The following CADPS variants were observed in gnomAD, a reference collection of about 807,000 sequenced individuals.
The protein encoded by CADPS is calcium dependent secretion activator.
In CADPS, 57 loss-of-function variants were observed where a neutral mutation model predicts 167.3. The observed-to-expected ratio is 0.34, with a 90% confidence interval of 0.28 to 0.42. The LOEUF (loss-of-function observed/expected upper bound fraction) is 0.42, where lower values mean the gene tolerates loss of function less well. Ranked by LOEUF, CADPS falls within the 20% of genes least tolerant of loss-of-function variation. The pLI is 1.00. For missense variants in CADPS, 1,414 were observed against 1,738.1 expected (o/e 0.81, Z 3.32); for synonymous variants, 676 against 635.3 (o/e 1.06, Z -0.96).
At chr3:62,532,036 T>G (rs2073806886) in intron 13 of CADPS, among the ~76,000 whole-genome samples, 1 of 152,182 alleles carries the variant, frequency 6.6e-6, no homozygotes, top group Non-Finnish European at 1.5e-5. Context: ...CCAGGCTCTA[T>G]GGTTAAATTA....
At position 62,601,674 on chromosome 3, in the gene CADPS, T is replaced by G. The variant is rs1324757877; in HGVS notation, c.1326-8926A>C. Among the ~76,000 whole-genome samples, 2 of 152,206 alleles carry G rather than the reference T, an allele frequency of 1.3e-5. No individual in the cohort carries two copies. The highest frequency in any genetic ancestry group is 4.8e-5 in the African/African-American group (2 of 41,452). On this transcript the variant is annotated intron_variant, in intron 6 of 29. Transcript: ENST00000383710. The surrounding 1 kb of genome is among the most constrained non-coding windows in gnomAD (Gnocchi z 4.3). ...GTGGTGCCCAAATGCTGCTTCCTGA[T>G]CCACTTGAGCTGGCTGACTCATTTA...
At chr3:62,545,507 A>G (rs545340917) in intron 11 of CADPS, among the ~76,000 whole-genome samples, 21 of 152,166 alleles carry the variant, frequency 1.4e-4, no homozygotes, top group African/African-American at 4.8e-4. Flanking sequence ...TTAAATCAAC[A>G]ATGACACACA....
At chr3:62,497,847 A>G (rs1261580523) in intron 18 of CADPS, among the ~76,000 whole-genome samples, 1 of 152,216 alleles carries the variant, frequency 6.6e-6, no homozygotes, top group East Asian at 1.9e-4. Context: ...AGACATAGGA[A>G]ACTACACCAG....
intron 1 of CADPS, among the ~76,000 whole-genome samples, chr3:62,800,804 G>A (rs1368705375): frequency 6.6e-6 from 1 of 152,098 alleles, no homozygotes; most frequent in Non-Finnish European, 1.5e-5. Context: ...ACAACAAAAA[G>A]ATTAAAACAT....
At chr3:62,835,309 G>C (rs1308975622) in intron 1 of CADPS, among the ~76,000 whole-genome samples, 2 of 152,104 alleles carry the variant, frequency 1.3e-5, no homozygotes, top group African/African-American at 4.8e-5. Context: ...GGAACAACAG[G>C]GAGATTGGTG....
In CADPS at chr3:62,753,557, T is replaced by C; in HGVS notation, c.772A>G (p.Met258Val). The C allele has an allele frequency of 6.2e-7, 1 of 1,614,104 alleles. No individual in the cohort carries two copies. Among genetic ancestry groups the C allele is most frequent in the Non-Finnish European group, 8.5e-7 (1 of 1,180,026 alleles). ...EEDPRKQQAR[M>V]TASAASELIL... ...AGCTCGGAGGCTGCGCTGGCTGTCA[T>C]CCGGGCCTGCTGCTTCCGCGGGTCC... Residue 258 changes from methionine to valine, a missense_variant, in exon 3 of 30, where the codon ATG (methionine) becomes GTG (valine). Coordinates refer to ENST00000383710, the MANE Select transcript of CADPS (RefSeq NM_003716.4). This position sits in a 1 kb window ranked among gnomAD's most constrained non-coding sequence, Gnocchi z 4.6.
chr3:62,424,284 A>T (rs1404131180), intron 28 of CADPS, among the ~76,000 whole-genome samples: 1 of 152,152 alleles, frequency 6.6e-6, no homozygotes, highest in East Asian at 1.9e-4. Context: ...CCTGGGTTCA[A>T]GTGATTCTCC....
At chr3:62,819,407 C>CGTGTGTGTGTGTGTGTGTGCGTGT (rs2094787616) in intron 1 of CADPS, among the ~76,000 whole-genome samples, 1 of 143,986 alleles carries the variant, frequency 6.9e-6, no homozygotes. Context: ...AATCTGTGTG[C>CGTGTGTGTGTGTGTGTGTGCGTGT]GTGTGTGTGT....
intron 4 of CADPS, among the ~76,000 whole-genome samples, chr3:62,660,895 C>T (rs2073047897): frequency 6.6e-6 from 1 of 152,178 alleles, no homozygotes; most frequent in African/African-American, 2.4e-5. Context: ...GGTGCCAGCC[C>T]TGATATTTAG....
chr3:62,591,006 C>T, intron 7 of CADPS, among the ~76,000 whole-genome samples: 1 of 152,046 alleles, frequency 6.6e-6, no homozygotes. Flanking sequence ...AGGTGCCTGC[C>T]ACCACGCCCG....
chr3:62,640,009 C>T (rs1332235534), intron 6 of CADPS, among the ~76,000 whole-genome samples: 2 of 152,136 alleles, frequency 1.3e-5, no homozygotes, highest in Non-Finnish European at 2.9e-5. Context: ...TTCATTTGTT[C>T]ATTTGTTTAT....
At chr3:62,573,351 G>A (rs1286279327) in intron 8 of CADPS, among the ~76,000 whole-genome samples, 6 of 151,376 alleles carry the variant, frequency 4.0e-5, no homozygotes, top group Non-Finnish European at 1.5e-5. Context: ...TCCATGGTTT[G>A]TTGATTTCTC....
intron 1 of CADPS, among the ~76,000 whole-genome samples, chr3:62,816,314 G>A (rs1215938413): frequency 6.6e-6 from 1 of 152,084 alleles, no homozygotes; most frequent in African/African-American, 2.4e-5. Context: ...TTGACTACTT[G>A]TGGGCTTAGA....
At chr3:62,672,420 C>T (rs764633198) in intron 3 of CADPS, among the ~76,000 whole-genome samples, 22 of 152,192 alleles carry the variant, frequency 1.4e-4, no homozygotes, top group Non-Finnish European at 2.9e-4. Context: ...CAATAACGTT[C>T]CACTTCCCTT....
chr3:62,550,481 A>G (rs2077148946), intron 10 of CADPS, among the ~76,000 whole-genome samples: 1 of 152,086 alleles, frequency 6.6e-6, no homozygotes, highest in Admixed American at 6.5e-5. Context: ...CTACTGTCCT[A>G]TTGTTCTTCT....
At chr3:62,502,218 T>C (rs190675485) in intron 17 of CADPS, among the ~76,000 whole-genome samples, 20 of 152,228 alleles carry the variant, frequency 1.3e-4, no homozygotes, top group African/African-American at 4.8e-4. Context: ...TAAGATGTTG[T>C]CTTTAAAGAA....
At position 62,452,497 on chromosome 3, in the gene CADPS, C is replaced by T. The variant is rs146064413; in HGVS notation, c.3637-6700G>A. ...TTCTATTGGACAGTGCTGGTCTAGA[C>T]GCAAGGGACATTCATAAATATAGGT... On this transcript the variant is annotated intron_variant, in intron 26 of 29. Coordinates refer to ENST00000383710, the MANE Select transcript of CADPS (RefSeq NM_003716.4). Among the ~76,000 whole-genome samples, 432 of 152,124 alleles carry T rather than the reference C, an allele frequency of 2.8e-3. 3 individuals are homozygous for T. Among genetic ancestry groups the T allele is most frequent in the African/African-American group, 9.1e-3 (379 of 41,492 alleles).
chr3:62,497,777 C>T (rs995800270), intron 18 of CADPS, among the ~76,000 whole-genome samples: 4 of 152,234 alleles, frequency 2.6e-5, no homozygotes, highest in South Asian at 2.1e-4. Flanking sequence ...AGTATCACTC[C>T]GGTGAGCTAC....
intron 29 of CADPS, among the ~76,000 whole-genome samples, chr3:62,400,805 G>T (rs934907820): frequency 2.0e-5 from 3 of 151,826 alleles, no homozygotes; most frequent in Admixed American, 6.6e-5. Context: ...TCACCATGTT[G>T]GCCAGGATGG....
Sources: allele counts gnomAD v4.1 joint callset (sites outside exome capture counted in the v4.1 genomes callset), GRCh38; gene constraint gnomAD v4.1.1; non-coding constraint Gnocchi (gnomAD v3.1); transcripts MANE v1.5; gene names NCBI Gene and HGNC (gene_info 2026-07-23, HGNC 2026-07-21).